The following ZNF821 variants were observed in gnomAD, a reference collection of about 807,000 sequenced individuals.
ZNF821 encodes the protein zinc finger protein 821.
In ZNF821, 16 loss-of-function variants were observed where a neutral mutation model predicts 44.3. That is an observed-to-expected ratio of 0.36 (90% confidence interval 0.24 to 0.55). The LOEUF (loss-of-function observed/expected upper bound fraction) is 0.55. ZNF821 is among the 20% of genes least tolerant of loss of function. The probability of loss-of-function intolerance (pLI) is 0.86; values close to 1 mark genes in which losing one functional copy is unlikely to be tolerated. For synonymous variants in ZNF821, 204 were observed against 197.6 expected (o/e 1.03, Z -0.27); for missense variants, 436 against 547.6 (o/e 0.80, Z 2.03).
At chr16:71,875,713 C>T (rs750901172) in intron 3 of ZNF821, among the ~76,000 whole-genome samples, 8 of 152,044 alleles carry the variant, frequency 5.3e-5, no homozygotes, top group South Asian at 2.1e-4. Flanking sequence ...CCGCCGGCCT[C>T]GCCCTCCCGA....
At chr16:71,873,626 G>T (rs1040601479) in intron 3 of ZNF821, among the ~76,000 whole-genome samples, 4 of 152,076 alleles carry the variant, frequency 2.6e-5, no homozygotes, top group African/African-American at 9.7e-5. Context: ...AATGTTGCTG[G>T]GTTACAGCAG....
intron 3 of ZNF821, 49 bp from the exon 4 acceptor site, chr16:71,868,086 C>A: frequency 1.3e-6 from 2 of 1,516,732 alleles, no homozygotes; most frequent in Non-Finnish European, 8.8e-7. Flanking sequence ...GGCAGCATAT[C>A]CCCAGGCAAG....
In ZNF821 at chr16:71,890,323, T is replaced by C. The variant is rs539587720; in HGVS notation, n.448+4566A>G. Among the ~76,000 whole-genome samples the C allele has an allele frequency of 5.3e-5, 8 of 152,252 alleles. No homozygotes were observed. The South Asian group carries it at 1.5e-3, about 28-fold the overall frequency. Reference sequence around the variant, plus strand: ...ATAGTTAAAACAAAGGAAATAACTCTATGCCCATCATCTTTCCCTTCTTTC... The same window carrying C: ...ATAGTTAAAACAAAGGAAATAACTCCATGCCCATCATCTTTCCCTTCTTTC... On this transcript the variant is annotated intron_variant and non_coding_transcript_variant, in intron 1 of 2. Transcript: ENST00000561700.
At chr16:71,866,196 T>C (rs994994023) in intron 4 of ZNF821, among the ~76,000 whole-genome samples, 1 of 152,124 alleles carries the variant, frequency 6.6e-6, no homozygotes, top group African/African-American at 2.4e-5. Context: ...TCAGATTTCC[T>C]AGCTAACAGT....
At chr16:71,882,583 T>A (rs1035434377) in intron 2 of ZNF821, among the ~76,000 whole-genome samples, 4 of 152,152 alleles carry the variant, frequency 2.6e-5, no homozygotes, top group Admixed American at 2.6e-4. Context: ...ATCCTCCTAG[T>A]GGCCAAATGG....
chr16:71,880,771 A>C (rs1274087137), intron 2 of ZNF821, among the ~76,000 whole-genome samples: 1 of 152,176 alleles, frequency 6.6e-6, no homozygotes, highest in African/African-American at 2.4e-5. Context: ...AGAGGTGGTC[A>C]AAGTTAATAA....
intron 3 of ZNF821, among the ~76,000 whole-genome samples, chr16:71,876,025 G>A (rs1358026767): frequency 6.6e-6 from 1 of 152,148 alleles, no homozygotes; most frequent in Non-Finnish European, 1.5e-5. Flanking sequence ...TGGCTCCCCT[G>A]GCCTTACTAC....
intron 4 of ZNF821, among the ~76,000 whole-genome samples, chr16:71,867,667 C>T (rs973067295): frequency 1.3e-5 from 2 of 149,976 alleles, no homozygotes; most frequent in Non-Finnish European, 3.0e-5. Flanking sequence ...GCCTGGGCAA[C>T]AAGAGCGAAA....
At chr16:71,872,516 G>C (rs2035322277) in intron 3 of ZNF821, among the ~76,000 whole-genome samples, 1 of 152,162 alleles carries the variant, frequency 6.6e-6, no homozygotes, top group South Asian at 2.1e-4. Context: ...GGGAGGCTGA[G>C]GCAGGAGAAT....
At chr16:71,892,080 C>T (rs1231210855) in intron 1 of ZNF821, among the ~76,000 whole-genome samples, 5 of 121,328 alleles carry the variant, frequency 4.1e-5, no homozygotes, top group African/African-American at 1.5e-4. Context: ...TGTAAGGCTG[C>T]GACAGGAGAA....
intron 1 of ZNF821, chr16:71,891,415 C>T (rs2036884760): frequency 6.6e-6 from 1 of 152,130 alleles, no homozygotes; most frequent in African/African-American, 2.4e-5. Context: ...TTTTAATTCC[C>T]TCAGAGATAC....
At chr16:71,886,457 T>TA (rs570786559), upstream of ZNF821, among the ~76,000 whole-genome samples, 88 of 152,142 alleles carry the variant, frequency 5.8e-4, no homozygotes, top group Non-Finnish European at 1.1e-3. Context: ...ACCATATATA[T>TA]TTTTTTAGCT....
At chr16:71,885,714 ATTC>A (rs2036826513), upstream of ZNF821, among the ~76,000 whole-genome samples, 3 of 152,200 alleles carry the variant, frequency 2.0e-5, no homozygotes, top group Non-Finnish European at 2.9e-5. Flanking sequence ...GTCCTTCACA[ATTC>A]TGTGATAAAT....
chr16:71,864,857 G>A (rs1429383477), intron 5 of ZNF821, 46 bp downstream of exon 5: 8 of 1,610,640 alleles, frequency 5.0e-6, no homozygotes, highest in Non-Finnish European at 5.1e-6. Flanking sequence ...GCAGGCAGAA[G>A]GGTAGGGCAT....
At chr16:71,893,453 C>G (rs1400363640) in intron 1 of ZNF821, among the ~76,000 whole-genome samples, 1 of 151,050 alleles carries the variant, frequency 6.6e-6, no homozygotes, top group Non-Finnish European at 1.5e-5. Flanking sequence ...TGAGCCACCA[C>G]GCCTGGCCCA....
chr16:71,879,280 CT>C (rs1470108628), intron 3 of ZNF821, among the ~76,000 whole-genome samples: 1 of 152,132 alleles, frequency 6.6e-6, no homozygotes, highest in Non-Finnish European at 1.5e-5. Context: ...CCGCTTCTGT[CT>C]TTGCTCACTT....
At chr16:71,868,092 G>A (rs910880611) in intron 3 of ZNF821, 55 bp from the exon 4 acceptor site, 90 of 1,513,574 alleles carry the variant, frequency 5.9e-5, no homozygotes, top group Non-Finnish European at 7.5e-5. Context: ...ATATCCCCAG[G>A]CAAGCTGGTT....
At chr16:71,893,936 TTTTC>T (rs963954760) in intron 1 of ZNF821, 3 of 150,472 alleles carry the variant, frequency 2.0e-5, no homozygotes, top group African/African-American at 7.4e-5. Context: ...CTGGCTAATT[TTTTC>T]TTTTTTTTGT....
intron 3 of ZNF821, among the ~76,000 whole-genome samples, chr16:71,876,901 G>A (rs570298246): frequency 4.6e-5 from 7 of 151,998 alleles, no homozygotes; most frequent in South Asian, 2.1e-4. Flanking sequence ...CACCGAGCTC[G>A]GCTAAAGATA....
Sources: allele counts gnomAD v4.1 joint callset (sites outside exome capture counted in the v4.1 genomes callset), GRCh38; gene constraint gnomAD v4.1.1; transcripts MANE v1.5; gene names NCBI Gene and HGNC (gene_info 2026-07-23, HGNC 2026-07-21).